ZSCAN5A: variants seen among roughly 807,000 people sequenced by gnomAD.
ZSCAN5A encodes the protein zinc finger and SCAN domain-containing protein 5A.
In ZSCAN5A, 12 loss-of-function variants were observed where a neutral mutation model predicts 23.7. That is an observed-to-expected ratio of 0.51 (90% confidence interval 0.32 to 0.82). ZSCAN5A has a LOEUF of 0.82. ZSCAN5A is among the 40% of genes least tolerant of loss of function. ZSCAN5A has a pLI of 0.03. For synonymous variants in ZSCAN5A, 257 were observed against 239.9 expected (o/e 1.07, Z -0.66); for missense variants, 597 against 617.9 (o/e 0.97, Z 0.36).
chr19:56,267,824 A>G (rs2037577692), intron 2 of ZSCAN5A, among the ~76,000 whole-genome samples: 1 of 152,216 alleles, frequency 6.6e-6, no homozygotes. Flanking sequence ...AGGCTCTTAG[A>G]AGAGCATCTG....
chr19:56,328,671 G>A (rs1482034175), intron 2 of ZSCAN5A, among the ~76,000 whole-genome samples: 1 of 147,978 alleles, frequency 6.8e-6, no homozygotes, highest in Non-Finnish European at 1.5e-5. Flanking sequence ...GGTAAAATAT[G>A]GTAAAGAAGA....
chr19:56,334,203 G>A (rs1479884708), intron 2 of ZSCAN5A, among the ~76,000 whole-genome samples: 1 of 152,140 alleles, frequency 6.6e-6, no homozygotes, highest in Non-Finnish European at 1.5e-5. Flanking sequence ...AAACCTCCTT[G>A]GCTCCAAGTT....
upstream of ZSCAN5A, among the ~76,000 whole-genome samples, chr19:56,318,354 A>G (rs147589073): frequency 4.6e-5 from 7 of 152,268 alleles, no homozygotes; most frequent in East Asian, 5.8e-4. Context: ...CTCATTCTCT[A>G]TATCAAAAGT....
intron 2 of ZSCAN5A, chr19:56,321,452 C>T: frequency 2.9e-6 from 2 of 682,374 alleles, no homozygotes; most frequent in Non-Finnish European, 5.4e-6. Context: ...GCATTGATAA[C>T]ACACTTGGCT....
rs1191188951 is a variant in ZSCAN5A, at chr19:56,331,537, C to CT, written c.-357-15270dup. ...CCTTCTTGGTTATATATAGTCTAGG[C>CT]TTTTTTTTTTTCTTTCAGCTATTGT... On this transcript the variant is annotated intron_variant, in intron 2 of 6. Transcript: ENST00000587340. Among the ~76,000 whole-genome samples the CT allele has an allele frequency of 4.4e-3, 291 of 65,652 alleles. 3 individuals are homozygous for CT. The highest frequency in any genetic ancestry group is 0.016 in the African/African-American group (264 of 16,318). The allele number at this position is 65,652 out of a possible 152,430, so 43.1% of individuals were successfully genotyped here. A position where few individuals can be genotyped will look rare whatever the true frequency, so the allele number is the denominator to read the frequency against.
chr19:56,302,090 G>A, intron 2 of ZSCAN5A: 2 of 1,231,836 alleles, frequency 1.6e-6, no homozygotes, highest in African/African-American at 3.1e-5. Context: ...CAACAAAGGG[G>A]ACTGGGTAAG....
At chr19:56,300,222 A>G (rs111895179) in intron 2 of ZSCAN5A, among the ~76,000 whole-genome samples, 4 of 152,190 alleles carry the variant, frequency 2.6e-5, no homozygotes, top group African/African-American at 9.7e-5. Context: ...GAGACTGCAA[A>G]GACAGAAAAA....
Position 56,222,726 on chromosome 19 carries a change from G to T in ZSCAN5A, c.604C>A (p.Leu202Ile). ...CCTGTTACGTCAATACTCTTGTGTA[G>T]CAGAAAGTCCTCTCCCTGAAGAGGA... ...LSRRQGEDFL[L>I]HKSIDVTGDP... Residue 202 changes from leucine (L) to isoleucine (I), a missense_variant, in exon 5 of 6, where the codon CTA becomes ATA. Coordinates refer to ENST00000683990, the MANE Select transcript of ZSCAN5A (RefSeq NM_001322064.3). The T allele has an allele frequency of 1.2e-6, 2 of 1,614,120 alleles. No homozygotes were observed. Among genetic ancestry groups the T allele is most frequent in the Admixed American group, 3.3e-5 (2 of 60,008 alleles).
chr19:56,231,996 C>CTTTCTTTTTTTTTTTT (rs756356708), intron 2 of ZSCAN5A, among the ~76,000 whole-genome samples: 1 of 124,986 alleles, frequency 8.0e-6, no homozygotes, highest in African/African-American at 3.0e-5. Context: ...TTTTTCTTTT[C>CTTTCTTTTTTTTTTTT]TTTTTTTTTG....
At chr19:56,310,690 C>T (rs1460850010) in intron 2 of ZSCAN5A, among the ~76,000 whole-genome samples, 1 of 152,176 alleles carries the variant, frequency 6.6e-6, no homozygotes, top group African/African-American at 2.4e-5. Flanking sequence ...CTGCCCCCAC[C>T]GTCCTGAGGA....
intron 2 of ZSCAN5A, among the ~76,000 whole-genome samples, chr19:56,310,760 C>T (rs1348180525): frequency 6.6e-6 from 1 of 152,204 alleles, no homozygotes; most frequent in Non-Finnish European, 1.5e-5. Context: ...CTCCAGCCTG[C>T]ATGTTTCTTG....
chr19:56,301,967 G>C, intron 2 of ZSCAN5A: 2 of 1,232,218 alleles, frequency 1.6e-6, no homozygotes, highest in East Asian at 3.2e-5. Flanking sequence ...GTTCTCTCCA[G>C]TTAAACCCTT....
intron 2 of ZSCAN5A, among the ~76,000 whole-genome samples, chr19:56,250,157 A>G (rs889798433): frequency 6.6e-6 from 1 of 152,166 alleles, no homozygotes; most frequent in African/African-American, 2.4e-5. Context: ...ACCCTGAGAG[A>G]GTGGATTTAA....
chr19:56,368,024 T>C lies in ZSCAN5A; in HGVS notation c.-522+185A>G, dbSNP rs370606898. 1.0e-4 allele frequency: 16 copies of C among 152,458 alleles called. No homozygotes were observed. The East Asian group carries it at 1.2e-3, about 11-fold the overall frequency. The allele number at this position is 152,458 out of a possible 1,614,324, so 9.4% of individuals were successfully genotyped here. A position where few individuals can be genotyped will look rare whatever the true frequency, so the allele number is the denominator to read the frequency against. On this transcript the variant is annotated intron_variant, in intron 1 of 6. Transcript: ENST00000587340. ...ACGAAGTCTGAACCTGGTACTGATA[T>C]ACGCTTCAGCCCTCAGAAGGCAACC...
At chr19:56,250,145 A>G (rs1235259903) in intron 2 of ZSCAN5A, among the ~76,000 whole-genome samples, 1 of 152,210 alleles carries the variant, frequency 6.6e-6, no homozygotes, top group East Asian at 1.9e-4. Flanking sequence ...AATAGACAGG[A>G]CACCCTGAGA....
At position 56,358,206 on chromosome 19, in the gene ZSCAN5A, C is replaced by T. The variant is rs562934370; in HGVS notation, c.-358+5029G>A. On this transcript the variant is annotated intron_variant, in intron 2 of 6. Coordinates refer to the ZSCAN5A transcript ENST00000587340. ...TGCGATCTCAGCTTACTGCAACCTC[C>T]ACTTTTCAGGATCAAGTGACTCTTG... Among the ~76,000 whole-genome samples the T allele has an allele frequency of 2.7e-5, 4 of 148,880 alleles. No homozygotes were observed. The South Asian group carries it at 8.6e-4, about 32-fold the overall frequency.
intron 2 of ZSCAN5A, among the ~76,000 whole-genome samples, chr19:56,258,555 TGACA>T (rs1219059803): frequency 2.1e-5 from 3 of 143,872 alleles, no homozygotes; most frequent in African/African-American, 8.0e-5. Context: ...GTGTGGGGAG[TGACA>T]GACACACTTT....
rs928615492 is a variant in ZSCAN5A, at chr19:56,342,891, T to A, written c.-358+20344A>T. ...ATTGCACAGTACCCACTTCAGGTAG[T>A]CTCCCCATCCTGAGGCACCTCAGAG... On this transcript the variant is annotated intron_variant, in intron 2 of 6. Coordinates refer to the ZSCAN5A transcript ENST00000587340. 8.9e-6 allele frequency: 9 copies of A among 1,008,512 alleles called. No individual in the cohort carries two copies. In the African/African-American group the frequency reaches 1.3e-4, roughly 14 times the overall value. 62.5% of individuals were successfully genotyped at this position (1,008,512 alleles called of 1,614,324 possible).
intron 2 of ZSCAN5A, chr19:56,263,543 A>G (rs964686198): frequency 2.0e-5 from 3 of 152,198 alleles, no homozygotes; most frequent in Admixed American, 2.0e-4. Context: ...GCTTTGATAG[A>G]TAAAATGTTC....
Sources: allele counts gnomAD v4.1 joint callset (sites outside exome capture counted in the v4.1 genomes callset), GRCh38; gene constraint gnomAD v4.1.1; transcripts MANE v1.5; gene names NCBI Gene and HGNC (gene_info 2026-07-23, HGNC 2026-07-21).